WFIKKN2: variants seen among roughly 807,000 people sequenced by gnomAD.
The protein encoded by WFIKKN2 is WAP, Kazal, immunoglobulin, Kunitz and NTR domain-containing protein 2.
A neutral mutation model predicts 39.2 loss-of-function variants in WFIKKN2; 25 were observed. The ratio of observed to expected loss-of-function variants is 0.64; its 90% CI spans 0.47 to 0.89. The LOEUF (loss-of-function observed/expected upper bound fraction) is 0.89. Ranked by LOEUF, WFIKKN2 falls within the 40% of genes least tolerant of loss-of-function variation. The pLI is 0.00. For missense variants in WFIKKN2, 770 were observed against 811.7 expected (o/e 0.95, Z 0.62); for synonymous variants, 345 against 329.7 (o/e 1.05, Z -0.50).
rs1214799785 is a variant in WFIKKN2 at position 50,836,146 on chromosome 17, A to G, written c.209A>G (p.Gln70Arg). The part of the protein sequence containing the change: ...STCRRECETD[Q>R]ECETYEKCCP... ...TGCAGGCGGGAGTGTGAGACGGACC[A>G]GGTGAGTGGGGTCCAGAGACCAGAG... The change falls in exon 1 of 2, where the codon CAG (glutamine) becomes CGG (arginine). Residue 70 changes from glutamine to arginine, a missense_variant and splice_region_variant. Coordinates refer to ENST00000311378, the MANE Select transcript of WFIKKN2 (RefSeq NM_175575.6). The G allele has an allele frequency of 1.5e-5, 25 of 1,612,992 alleles. No homozygotes were observed. Among genetic ancestry groups the G allele is most frequent in the Non-Finnish European group, 2.0e-5 (24 of 1,179,588 alleles).
Position 50,840,871 on chromosome 17 carries a change from T to C in WFIKKN2, c.1583T>C (p.Ile528Thr). The C allele has an allele frequency of 6.2e-7, 1 of 1,610,214 alleles. No individual in the cohort carries two copies. The highest frequency in any genetic ancestry group is 8.5e-7 in the Non-Finnish European group (1 of 1,177,010). The change falls in exon 2 of 2, where the codon ATC becomes ACC. Residue 528 changes from isoleucine to threonine, a missense_variant. Coordinates refer to ENST00000311378, the MANE Select transcript of WFIKKN2 (RefSeq NM_175575.6). ...GTGACCGTGAGCGAGATGCCGCTCA[T>C]CATCATGGGGGAGGTGGACGGCGGC... ...PNVTVSEMPLIIMGEVDGGMA... is the reference protein window; with the variant it reads ...PNVTVSEMPLTIMGEVDGGMA...
chr17:50,835,794 C>T lies in WFIKKN2; in HGVS notation c.-144C>T, dbSNP rs1971945815. The T allele has an allele frequency of 3.5e-6, 3 of 868,118 alleles. No homozygotes were observed. Among genetic ancestry groups the T allele is most frequent in the Non-Finnish European group, 5.2e-6 (3 of 579,642 alleles). The allele number at this position is 868,118 out of a possible 1,614,324, so 53.8% of individuals were successfully genotyped here. On this transcript the variant is annotated 5_prime_UTR_variant, in exon 1 of 2. Coordinates refer to ENST00000311378, the MANE Select transcript of WFIKKN2 (RefSeq NM_175575.6). ...GCTGACTTGGTGGAGGCAGCAGCGG[C>T]AGAGCAGCCTGAGCAGCAGCCTGAG...
Position 50,839,667 on chromosome 17 carries a change from G to T in WFIKKN2, c.379G>T (p.Asp127Tyr). ...GCAGGGCTCTGAGTGTGACATCTGG[G>T]ATGGCCAGCCCGTGTGTAAGTGCAA... ...LQQGSECDIW[D>Y]GQPVCKCKDR... The change falls in exon 2 of 2, where the codon GAT becomes TAT. Residue 127 changes from aspartate (D) to tyrosine (Y), a missense_variant. Physicochemically the swap from Asp to Tyr is radical, Grantham distance 160. Coordinates refer to ENST00000311378, the MANE Select transcript of WFIKKN2 (RefSeq NM_175575.6). 6.2e-7 allele frequency: 1 copy of T among 1,614,254 alleles called. No individual in the cohort carries two copies. The highest frequency in any genetic ancestry group is 8.5e-7 in the Non-Finnish European group (1 of 1,180,042).
At position 50,839,920 on chromosome 17, in the gene WFIKKN2, C is replaced by T. The variant is rs773779313; in HGVS notation, c.632C>T (p.Ala211Val). 51 of 1,614,068 alleles carry T rather than the reference C, an allele frequency of 3.2e-5. No homozygotes were observed. Among genetic ancestry groups the T allele is most frequent in the African/African-American group, 6.7e-5 (5 of 74,936 alleles). ...CCTGAGCTGGACATGGCGGCCCCTG[C>T]GCTGCTCAACAACCCTGTGCACCAG... ...ETPELDMAAP[A>V]LLNNPVHQSV... Residue 211 changes from alanine to valine, a missense_variant, in exon 2 of 2, where the codon GCG (alanine) becomes GTG (valine). By Grantham distance (64) the Ala-to-Val change is moderately conservative. Coordinates refer to ENST00000311378, the MANE Select transcript of WFIKKN2 (RefSeq NM_175575.6).
upstream of WFIKKN2, chr17:50,834,628 G>A (rs3888213): frequency 0.53 from 79,970 of 152,108 alleles, 23,696 homozygotes; most frequent in Non-Finnish European, 0.68. Context: ...TGTGCGACAT[G>A]GGCAGGTTGC....
Position 50,839,728 on chromosome 17 carries a change from C to T in WFIKKN2, c.440C>T (p.Ala147Val). The T allele has an allele frequency of 6.2e-7, 1 of 1,614,226 alleles. No homozygotes were observed. Among genetic ancestry groups the T allele is most frequent in the Non-Finnish European group, 8.5e-7 (1 of 1,180,032 alleles). The change falls in exon 2 of 2, where the codon GCC becomes GTC. Residue 147 changes from alanine (A) to valine (V), a missense_variant. Transcript: ENST00000311378. ...GAGAAGGAGCCCAGCTTTACCTGCG[C>T]CTCGGACGGCCTCACCTACTATAAC... Reference protein sequence around the residue: ...RCEKEPSFTCASDGLTYYNRC... With the variant: ...RCEKEPSFTCVSDGLTYYNRC...
chr17:50,838,764 C>G (rs1259963884), intron 1 of WFIKKN2, among the ~76,000 whole-genome samples: 1 of 152,176 alleles, frequency 6.6e-6, no homozygotes, highest in African/African-American at 2.4e-5. Flanking sequence ...CGTGTGGGGC[C>G]CGTCACGCCT....
chr17:50,840,827 G>C lies in WFIKKN2; in HGVS notation c.1539G>C (p.Trp513Cys). ...PLEVTLLHVD[W>C]ACPCPNVTVS... Reference sequence around the variant, plus strand: ...AGGTCACTCTGCTTCACGTGGACTGGGCATGCCCCTGCCCCAACGTGACCG... The same window carrying C: ...AGGTCACTCTGCTTCACGTGGACTGCGCATGCCCCTGCCCCAACGTGACCG... Residue 513 changes from tryptophan to cysteine, a missense_variant, in exon 2 of 2, where the codon TGG becomes TGC. By Grantham distance (215) the Trp-to-Cys change is radical. Coordinates refer to ENST00000311378, the MANE Select transcript of WFIKKN2 (RefSeq NM_175575.6). 1 of 1,613,802 alleles carries C rather than the reference G, an allele frequency of 6.2e-7. No homozygotes were observed. The highest frequency in any genetic ancestry group is 8.5e-7 in the Non-Finnish European group (1 of 1,179,810).
At chr17:50,838,197 C>T (rs1597980678) in intron 1 of WFIKKN2, among the ~76,000 whole-genome samples, 1 of 152,282 alleles carries the variant, frequency 6.6e-6, no homozygotes, top group East Asian at 1.9e-4. Context: ...GCTCTGAGAG[C>T]TGCCCATCCC....
intron 1 of WFIKKN2, among the ~76,000 whole-genome samples, chr17:50,837,444 G>A (rs1410785435): frequency 6.6e-6 from 1 of 152,192 alleles, no homozygotes; most frequent in Non-Finnish European, 1.5e-5. Flanking sequence ...TTCTCTTCTA[G>A]CTCCCGAGTC....
Position 50,835,748 on chromosome 17 carries a change from C to T in WFIKKN2, c.-190C>T, listed in dbSNP as rs1312002660. The T allele has an allele frequency of 1.6e-6, 1 of 619,190 alleles. No homozygotes were observed. The highest frequency in any genetic ancestry group is 2.8e-6 in the Non-Finnish European group (1 of 360,990). 38.4% of individuals were successfully genotyped at this position (619,190 alleles called of 1,614,324 possible). ...CTAAAGACCTTTCTTTTATCTGAAG[C>T]CGCACAGCCCGGCAGGCTGTGCTGA... On this transcript the variant is annotated 5_prime_UTR_variant, in exon 1 of 2. Coordinates refer to ENST00000311378, the MANE Select transcript of WFIKKN2 (RefSeq NM_175575.6).
rs1178063889 is a variant in WFIKKN2 at position 50,840,372 on chromosome 17, C to T, written c.1084C>T (p.His362Tyr). 4 of 1,614,030 alleles carry T rather than the reference C, an allele frequency of 2.5e-6. No individual in the cohort carries two copies. The highest frequency in any genetic ancestry group is 3.4e-6 in the Non-Finnish European group (4 of 1,180,022). The change falls in exon 2 of 2, where the codon CAC (histidine) becomes TAC (tyrosine). Residue 362 changes from histidine (H) to tyrosine (Y), a missense_variant. His to Tyr is a moderately conservative substitution (Grantham distance 83). Coordinates refer to ENST00000311378, the MANE Select transcript of WFIKKN2 (RefSeq NM_175575.6). ...NCLTFTFGHC[H>Y]RNLNHFETYE... ...CCTGACCTTCACCTTCGGCCACTGC[C>T]ACCGTAACCTCAACCACTTTGAGAC...
chr17:50,837,064 C>T lies in WFIKKN2; in HGVS notation c.210+917C>T, dbSNP rs547951038. Among the ~76,000 whole-genome samples the T allele has an allele frequency of 8.9e-4, 136 of 152,338 alleles. 4 individuals carry two copies. The South Asian group carries it at 0.027, about 31-fold the overall frequency. On this transcript the variant is annotated intron_variant, in intron 1 of 1. Coordinates refer to ENST00000311378, the MANE Select transcript of WFIKKN2 (RefSeq NM_175575.6). ...GTGCTGAGGGCTACTGTGGCCAGCA[C>T]CGTGCCGGGCACGTCGTGTATGTTG...
In WFIKKN2 at chr17:50,835,971, C is replaced by T. The variant is rs776256643; in HGVS notation, c.34C>T (p.Arg12Cys). Residue 12 changes from arginine to cysteine, a missense_variant, in exon 1 of 2, where the codon CGC becomes TGC. Physicochemically the swap from Arg to Cys is radical, Grantham distance 180. Coordinates refer to ENST00000311378, the MANE Select transcript of WFIKKN2 (RefSeq NM_175575.6). Reference sequence around the variant, plus strand: ...CCCAAGGTGTCGCCGGTTCTGGTCTCGCTGGGAGCAGGTGGCAGCGCTGCT... The same window carrying T: ...CCCAAGGTGTCGCCGGTTCTGGTCTTGCTGGGAGCAGGTGGCAGCGCTGCT... ...WAPRCRRFWS[R>C]WEQVAALLLL... 3.7e-6 allele frequency: 6 copies of T among 1,610,098 alleles called. No individual in the cohort carries two copies. Among genetic ancestry groups the T allele is most frequent in the Admixed American group, 1.7e-5 (1 of 59,490 alleles).
upstream of WFIKKN2, chr17:50,835,081 TA>T (rs1971937366): frequency 6.6e-6 from 1 of 151,910 alleles, no homozygotes; most frequent in Non-Finnish European, 1.5e-5. Context: ...AGTTGGAACT[TA>T]AGACGCAAAC....
At chr17:50,836,501 C>A (rs1364373031) in intron 1 of WFIKKN2, among the ~76,000 whole-genome samples, 2 of 146,748 alleles carry the variant, frequency 1.4e-5, no homozygotes, top group Non-Finnish European at 3.0e-5. Context: ...GGTCCAGAAG[C>A]CACAGTGTGA....
chr17:50,835,915 C>A lies in WFIKKN2; in HGVS notation c.-23C>A. On this transcript the variant is annotated 5_prime_UTR_variant, in exon 1 of 2. Coordinates refer to ENST00000311378, the MANE Select transcript of WFIKKN2 (RefSeq NM_175575.6). ...ACCCTGGCATCGTTTCAGGGGAGGTCTCTAGCCGCCCCAGCCTGCACCATG... is the reference window on the plus strand; with the variant it reads ...ACCCTGGCATCGTTTCAGGGGAGGTATCTAGCCGCCCCAGCCTGCACCATG... 6.2e-7 allele frequency: 1 copy of A among 1,601,966 alleles called. No homozygotes were observed. Among genetic ancestry groups the A allele is most frequent in the Non-Finnish European group, 8.5e-7 (1 of 1,173,042 alleles).
rs1352844469 is a variant in WFIKKN2, at chr17:50,836,128, G to A, written c.191G>A (p.Arg64Gln). 6.2e-6 allele frequency: 10 copies of A among 1,613,046 alleles called. No individual in the cohort carries two copies. Among genetic ancestry groups the A allele is most frequent in the South Asian group, 4.4e-5 (4 of 90,898 alleles). The change falls in exon 1 of 2, where the codon CGG becomes CAG. Residue 64 changes from arginine to glutamine, a missense_variant. Transcript: ENST00000311378. ...GTGGACGCACAGAGCACCTGCAGGC[G>A]GGAGTGTGAGACGGACCAGGTGAGT... The part of the protein sequence containing the change: ...LWVDAQSTCR[R>Q]ECETDQECET...
chr17:50,837,978 T>G (rs566642794), intron 1 of WFIKKN2, among the ~76,000 whole-genome samples: 1 of 152,246 alleles, frequency 6.6e-6, no homozygotes, highest in Admixed American at 6.5e-5. Context: ...TCTGGCCCCC[T>G]TACACAGAAG....
Sources: gnomAD v4.1 joint callset for allele counts (sites outside exome capture counted in the v4.1 genomes callset) on GRCh38, gnomAD v4.1.1 for gene constraint, MANE v1.5 for transcripts, NCBI Gene and HGNC (gene_info 2026-07-23, HGNC 2026-07-21) for gene names.